KHDRBS2: variants seen among roughly 807,000 people sequenced by gnomAD.
The protein encoded by KHDRBS2 is KH domain-containing, RNA-binding, signal transduction-associated protein 2.
A neutral mutation model predicts 44.3 loss-of-function variants in KHDRBS2; 26 were observed. The observed-to-expected ratio is 0.59, with a 90% CI of 0.43 to 0.81. KHDRBS2 has a LOEUF of 0.81. Ranked by LOEUF, KHDRBS2 falls within the 40% of genes least tolerant of loss-of-function variation. KHDRBS2 has a pLI of 0.00. For missense variants in KHDRBS2, 476 were observed against 433.1 expected (o/e 1.10, Z -0.88); for synonymous variants, 194 against 151.1 (o/e 1.28, Z -2.08).
chr6:62,285,151 A>G (rs2150199812), intron 1 of KHDRBS2, among the ~76,000 whole-genome samples: 1 of 152,292 alleles, frequency 6.6e-6, no homozygotes, highest in Non-Finnish European at 1.5e-5. Context: ...GCAATGCAAA[A>G]AACAAGACAT....
chr6:62,079,978 CA>C (rs946626726), intron 2 of KHDRBS2, among the ~76,000 whole-genome samples: 2 of 151,580 alleles, frequency 1.3e-5, no homozygotes, highest in Non-Finnish European at 2.9e-5. Flanking sequence ...GTGGCCAAAA[CA>C]AAATAAAAGA....
chr6:62,083,201 A>C (rs1009890189), intron 2 of KHDRBS2, among the ~76,000 whole-genome samples: 4 of 152,122 alleles, frequency 2.6e-5, no homozygotes, highest in African/African-American at 7.2e-5. Flanking sequence ...GCAGAGAAGG[A>C]GAGAAGAGAA....
At chr6:61,993,670 TATA>T (rs1776588831) in intron 3 of KHDRBS2, among the ~76,000 whole-genome samples, 1 of 122,602 alleles carries the variant, frequency 8.2e-6, no homozygotes, top group African/African-American at 3.0e-5. Flanking sequence ...TATATATATA[TATA>T]TTTTTTTTTT....
intron 4 of KHDRBS2, among the ~76,000 whole-genome samples, chr6:61,958,709 C>G (rs985596074): frequency 2.0e-5 from 3 of 152,164 alleles, no homozygotes; most frequent in Non-Finnish European, 4.4e-5. Flanking sequence ...AGAACCTGAT[C>G]TTACATAAAA....
At chr6:61,591,847 G>C in the KHDRBS2 span, among the ~76,000 whole-genome samples, 1 of 152,096 alleles carries the variant, frequency 6.6e-6, no homozygotes, top group Non-Finnish European at 1.5e-5. Context: ...CTTTCCCTTT[G>C]CCTTCTGAAA....
chr6:62,243,466 T>G (rs981557769), intron 1 of KHDRBS2, among the ~76,000 whole-genome samples: 7 of 152,096 alleles, frequency 4.6e-5, no homozygotes, highest in African/African-American at 1.4e-4. Context: ...CTAGTCAGGC[T>G]TGTAAGCCAA....
intron 6 of KHDRBS2, among the ~76,000 whole-genome samples, chr6:61,735,263 A>G (rs1419527664): frequency 1.3e-5 from 2 of 151,368 alleles, no homozygotes; most frequent in Non-Finnish European, 3.0e-5. Flanking sequence ...TATCTTATAT[A>G]TATATTTTTT....
chr6:61,878,899 G>A (rs1373977178), intron 6 of KHDRBS2, among the ~76,000 whole-genome samples: 1 of 151,886 alleles, frequency 6.6e-6, no homozygotes. Context: ...AAGTGCTGAA[G>A]GTAAAGAATT....
At chr6:61,697,372 T>C (rs766113371) in intron 7 of KHDRBS2, 119 bp from the exon 8 acceptor site, 5 of 697,012 alleles carry the variant, frequency 7.2e-6, no homozygotes, top group Admixed American at 2.2e-5. Flanking sequence ...CTTCAAGGCA[T>C]AAAACACAAT....
chr6:61,673,896 A>C, the KHDRBS2 span, among the ~76,000 whole-genome samples: 8 of 149,880 alleles, frequency 5.3e-5, no homozygotes, highest in Admixed American at 4.0e-4. Context: ...GCTACCAATG[A>C]CTTTCTTCAC....
chr6:61,676,127 C>T (rs143178425), downstream of KHDRBS2, among the ~76,000 whole-genome samples: 3,743 of 151,864 alleles, frequency 0.025, 73 homozygotes, highest in Middle Eastern at 0.082. Flanking sequence ...CGTGCATATG[C>T]TTGCCAGTTA....
the KHDRBS2 span, among the ~76,000 whole-genome samples, chr6:61,545,813 G>C: frequency 7.2e-3 from 1,096 of 152,068 alleles, 6 homozygotes; most frequent in Admixed American, 0.012. Context: ...GGGATTAGTG[G>C]TTTTATAAGC....
At chr6:61,699,079 G>T (rs1432142682) in intron 7 of KHDRBS2, among the ~76,000 whole-genome samples, 1 of 151,862 alleles carries the variant, frequency 6.6e-6, no homozygotes, top group African/African-American at 2.4e-5. Flanking sequence ...TAGAAAATTG[G>T]TCTCTCATTT....
intron 3 of KHDRBS2, among the ~76,000 whole-genome samples, chr6:62,023,959 C>A (rs1562665041): frequency 6.6e-6 from 1 of 150,952 alleles, no homozygotes; most frequent in Non-Finnish European, 1.5e-5. Flanking sequence ...TTATTTGCAT[C>A]ATCATGGAAT....
At chr6:61,646,296 G>T in the KHDRBS2 span, among the ~76,000 whole-genome samples, 2 of 152,140 alleles carry the variant, frequency 1.3e-5, no homozygotes, top group African/African-American at 4.8e-5. Flanking sequence ...TTTCTACAAT[G>T]AACACTGAGC....
At chr6:61,751,918 C>T (rs1777756083) in intron 6 of KHDRBS2, among the ~76,000 whole-genome samples, 3 of 149,448 alleles carry the variant, frequency 2.0e-5, no homozygotes, top group African/African-American at 7.3e-5. Flanking sequence ...TCATCACTTG[C>T]TCTTTCCTCT....
chr6:62,068,841 T>G (rs1463197657), intron 2 of KHDRBS2, among the ~76,000 whole-genome samples: 1 of 151,752 alleles, frequency 6.6e-6, no homozygotes, highest in Non-Finnish European at 1.5e-5. Flanking sequence ...CTCAATTCTA[T>G]TCCATTAGTC....
At chr6:61,951,974 A>T (rs1434240733) in intron 4 of KHDRBS2, among the ~76,000 whole-genome samples, 3 of 152,034 alleles carry the variant, frequency 2.0e-5, no homozygotes, top group African/African-American at 7.2e-5. Flanking sequence ...ACCAAGAGCT[A>T]AACTGTTGAT....
intron 2 of KHDRBS2, among the ~76,000 whole-genome samples, chr6:62,064,087 C>T (rs1212445234): frequency 9.4e-6 from 1 of 105,978 alleles, no homozygotes; most frequent in Non-Finnish European, 2.1e-5. Flanking sequence ...CGTGAAGGAC[C>T]TCTTCAAGGA....
Sources: allele counts gnomAD v4.1 joint callset (sites outside exome capture counted in the v4.1 genomes callset), GRCh38; gene constraint gnomAD v4.1.1; transcripts MANE v1.5; gene names NCBI Gene and HGNC (gene_info 2026-07-23, HGNC 2026-07-21).